Variants in TRAPPC9 observed in about 807,000 individuals in gnomAD.
TRAPPC9 encodes the protein IKK2 binding protein.
In TRAPPC9, 83 loss-of-function variants were observed where a neutral mutation model predicts 124.0. That is an observed-to-expected ratio of 0.67 (90% confidence interval 0.56 to 0.80). TRAPPC9 has a LOEUF of 0.80. Among genes scored for constraint, TRAPPC9 ranks in the 30% least tolerant of loss-of-function variants. The pLI is 0.00. For synonymous variants in TRAPPC9, 638 were observed against 617.5 expected (o/e 1.03, Z -0.49); for missense variants, 1,302 against 1,508.3 (o/e 0.86, Z 2.27).
chr8:140,213,941 G>A (rs374433310), intron 17 of TRAPPC9, among the ~76,000 whole-genome samples: 48 of 152,294 alleles, frequency 3.2e-4, no homozygotes, highest in African/African-American at 4.1e-4. Context: ...GCTGGTGTCC[G>A]CTCCCTGACT....
At chr8:140,096,117 TC>T (rs1844927476) in intron 17 of TRAPPC9, 1 of 152,036 alleles carries the variant, frequency 6.6e-6, no homozygotes, top group South Asian at 2.1e-4. Flanking sequence ...ATTACCAGAG[TC>T]CACCCATAAG....
chr8:140,190,036 C>G (rs1403050279), intron 17 of TRAPPC9, among the ~76,000 whole-genome samples: 1 of 152,204 alleles, frequency 6.6e-6, no homozygotes, highest in East Asian at 1.9e-4. Context: ...ATCAACCGAA[C>G]TGAGAAAACA....
chr8:139,820,083 A>G (rs570795973), intron 21 of TRAPPC9, among the ~76,000 whole-genome samples: 1 of 152,136 alleles, frequency 6.6e-6, no homozygotes, highest in Admixed American at 6.5e-5. Flanking sequence ...AAAAGAAGTT[A>G]CAAGTATGCT....
intron 5 of TRAPPC9, among the ~76,000 whole-genome samples, chr8:140,418,951 C>T (rs146561966): frequency 1.3e-5 from 2 of 152,316 alleles, no homozygotes; most frequent in African/African-American, 4.8e-5. Flanking sequence ...TCTCAACAGA[C>T]ACAAAGAAAG....
At chr8:139,839,928 C>A (rs1346966247) in intron 21 of TRAPPC9, among the ~76,000 whole-genome samples, 1 of 152,230 alleles carries the variant, frequency 6.6e-6, no homozygotes, top group Non-Finnish European at 1.5e-5. Flanking sequence ...AGCCAACAGA[C>A]TTCACTTTCT....
At chr8:140,208,016 T>G (rs2062967810) in intron 17 of TRAPPC9, among the ~76,000 whole-genome samples, 1 of 151,980 alleles carries the variant, frequency 6.6e-6, no homozygotes, top group African/African-American at 2.4e-5. Flanking sequence ...CCGAGTGTGG[T>G]GCACACGCAT....
chr8:139,833,270 C>T (rs1826106718), intron 21 of TRAPPC9, among the ~76,000 whole-genome samples: 1 of 152,180 alleles, frequency 6.6e-6, no homozygotes, highest in Non-Finnish European at 1.5e-5. Context: ...AACCTATAGC[C>T]CCCTTCCCCC....
chr8:140,233,503 C>T (rs1206603085), intron 16 of TRAPPC9, among the ~76,000 whole-genome samples: 1 of 151,940 alleles, frequency 6.6e-6, no homozygotes, highest in Admixed American at 6.6e-5. Flanking sequence ...CGTGCCCAGC[C>T]TCAAGGACTA....
intron 21 of TRAPPC9, chr8:139,805,988 C>T (rs1399559582): frequency 1.3e-5 from 2 of 152,236 alleles, no homozygotes; most frequent in Admixed American, 6.5e-5. Context: ...GCGCGGAGCA[C>T]GCTGGAGAAG....
At chr8:139,812,512 G>C (rs892696721) in intron 21 of TRAPPC9, among the ~76,000 whole-genome samples, 1 of 152,208 alleles carries the variant, frequency 6.6e-6, no homozygotes, top group African/African-American at 2.4e-5. Context: ...CGCCTCTGAG[G>C]ACTGGCGCTG....
chr8:139,988,844 A>G lies in TRAPPC9; in HGVS notation c.2700-8T>C, dbSNP rs1563669197. On this transcript the variant is annotated splice_region_variant and splice_polypyrimidine_tract_variant and intron_variant, in intron 18 of 22. Transcript: ENST00000438773. ...AGGTGACACTGCCGGGTACTGCGTT[A>G]AAGAAAAAAGAAAGTTCAGAATCCT... 1 of 1,528,930 alleles carries G rather than the reference A, an allele frequency of 6.5e-7. No homozygotes were observed. The highest frequency in any genetic ancestry group is 1.2e-5 in the South Asian group (1 of 83,638). The allele number at this position is 1,528,930 out of a possible 1,614,324, so 94.7% of individuals were successfully genotyped here.
intron 15 of TRAPPC9, among the ~76,000 whole-genome samples, chr8:140,261,935 T>C (rs570324204): frequency 6.6e-6 from 1 of 152,266 alleles, no homozygotes; most frequent in African/African-American, 2.4e-5. Context: ...AGCATACTAG[T>C]TACTGTTACT....
chr8:140,125,973 C>A (rs774026835), intron 17 of TRAPPC9, among the ~76,000 whole-genome samples: 13 of 151,928 alleles, frequency 8.6e-5, no homozygotes, highest in Non-Finnish European at 1.5e-4. Context: ...TTAATTTCAC[C>A]GTGTTAGCCA....
chr8:139,893,979 C>G (rs552590186), intron 20 of TRAPPC9, among the ~76,000 whole-genome samples: 32 of 152,328 alleles, frequency 2.1e-4, no homozygotes, highest in African/African-American at 7.2e-4. Flanking sequence ...CAGATAACTC[C>G]GACCAGTCCT....
chr8:140,004,793 C>T (rs1409223700), intron 18 of TRAPPC9, among the ~76,000 whole-genome samples: 1 of 152,184 alleles, frequency 6.6e-6, no homozygotes, highest in Non-Finnish European at 1.5e-5. Flanking sequence ...TTCCCCAAGT[C>T]TGGCAGATAT....
chr8:140,432,339 G>A (rs1378497835), intron 4 of TRAPPC9, among the ~76,000 whole-genome samples: 1 of 152,304 alleles, frequency 6.6e-6, no homozygotes, highest in Non-Finnish European at 1.5e-5. Flanking sequence ...ACAGTATTCA[G>A]TATTTAATCC....
chr8:140,133,683 C>T (rs1293477782), intron 17 of TRAPPC9, among the ~76,000 whole-genome samples: 5 of 152,164 alleles, frequency 3.3e-5, no homozygotes, highest in African/African-American at 1.2e-4. Context: ...AAGAAAGCTA[C>T]TAGAGCTAAT....
intron 19 of TRAPPC9, among the ~76,000 whole-genome samples, chr8:139,987,189 C>T (rs540519109): frequency 1.3e-5 from 2 of 152,284 alleles, no homozygotes; most frequent in South Asian, 2.1e-4. Flanking sequence ...GACACCTGGC[C>T]TCTATTTTCT....
intron 19 of TRAPPC9, chr8:139,931,256 A>G (rs957040486): frequency 2.0e-5 from 3 of 152,258 alleles, no homozygotes; most frequent in Non-Finnish European, 4.4e-5. Context: ...AGCCGAGCAT[A>G]CACGTAATCC....
Sources: gnomAD v4.1 joint callset for allele counts (sites outside exome capture counted in the v4.1 genomes callset) on GRCh38, gnomAD v4.1.1 for gene constraint, MANE v1.5 for transcripts, NCBI Gene and HGNC (gene_info 2026-07-23, HGNC 2026-07-21) for gene names.